Variants in DNAH8 observed in about 807,000 individuals in gnomAD.
DNAH8 encodes the protein axonemal beta dynein heavy chain 8.
Under a neutral mutation model 562.1 loss-of-function variants are expected in DNAH8, and 382 were observed. The ratio of observed to expected loss-of-function variants is 0.68; its 90% confidence interval spans 0.63 to 0.74. The LOEUF (loss-of-function observed/expected upper bound fraction) is 0.74. Ranked by LOEUF, DNAH8 falls within the 30% of genes least tolerant of loss-of-function variation. The pLI is 0.00. For missense variants in DNAH8, 5,203 were observed against 5,620.4 expected (o/e 0.93, Z 2.37); for synonymous variants, 1,881 against 1,919.4 (o/e 0.98, Z 0.52).
chr6:38,965,340 G>T (rs1467985648), intron 82 of DNAH8, among the ~76,000 whole-genome samples: 2 of 152,166 alleles, frequency 1.3e-5, no homozygotes, highest in East Asian at 1.9e-4. Flanking sequence ...CCTCCAAAAT[G>T]ATTTACGATT....
chr6:39,022,412 AT>A (rs1561985315), intron 91 of DNAH8, among the ~76,000 whole-genome samples: 1 of 152,146 alleles, frequency 6.6e-6, no homozygotes, highest in Non-Finnish European at 1.5e-5. Context: ...CTACTCTGAT[AT>A]CAGCCTATAA....
intron 1 of DNAH8, among the ~76,000 whole-genome samples, chr6:38,720,123 G>A (rs1384714895): frequency 1.3e-5 from 2 of 152,050 alleles, no homozygotes; most frequent in East Asian, 1.9e-4. Flanking sequence ...CCAGTCTTAC[G>A]GTTTCTCTAA....
At chr6:38,730,435 C>A (rs920471828) in intron 4 of DNAH8, among the ~76,000 whole-genome samples, 1 of 152,192 alleles carries the variant, frequency 6.6e-6, no homozygotes, top group Non-Finnish European at 1.5e-5. Flanking sequence ...AATTAACATG[C>A]TACCAGCTTG....
intron 17 of DNAH8, among the ~76,000 whole-genome samples, chr6:38,784,741 G>A (rs1768979168): frequency 6.6e-6 from 1 of 152,184 alleles, no homozygotes; most frequent in Admixed American, 6.5e-5. Context: ...TATTAGCCTT[G>A]TTTTACAGAT....
chr6:38,738,692 A>T (rs754702949), intron 7 of DNAH8, among the ~76,000 whole-genome samples: 13 of 152,170 alleles, frequency 8.5e-5, no homozygotes, highest in African/African-American at 1.2e-4. Flanking sequence ...GGAGGTACAG[A>T]AAAGCGTTTC....
intron 32 of DNAH8, among the ~76,000 whole-genome samples, chr6:38,835,015 A>T (rs763153825): frequency 5.8e-4 from 89 of 152,142 alleles, no homozygotes; most frequent in Admixed American, 1.3e-3. Flanking sequence ...TTCCTTTTGC[A>T]TCCATCTCTT....
At chr6:38,966,794 T>A (rs1762997836) in intron 82 of DNAH8, among the ~76,000 whole-genome samples, 1 of 152,192 alleles carries the variant, frequency 6.6e-6, no homozygotes, top group South Asian at 2.1e-4. Flanking sequence ...TACCATAGAC[T>A]GGGTAGCTTA....
intron 85 of DNAH8, among the ~76,000 whole-genome samples, chr6:38,977,448 T>A (rs1763750284): frequency 6.6e-6 from 1 of 152,142 alleles, no homozygotes; most frequent in Non-Finnish European, 1.5e-5. Context: ...GGGAGCCTTT[T>A]ATTCCCAGGA....
chr6:38,796,641 T>C (rs1770277245), intron 21 of DNAH8, among the ~76,000 whole-genome samples: 1 of 152,206 alleles, frequency 6.6e-6, no homozygotes, highest in South Asian at 2.1e-4. Context: ...TGAAAATCCC[T>C]GTCCTGTTCT....
chr6:38,949,440 T>G lies in DNAH8; in HGVS notation c.12130-12T>G. ...TAGTTCTGTGGCTTGCTAATTGGCT[T>G]GCTTCTTTTAGATATCTCGTAATGA... On this transcript the variant is annotated splice_polypyrimidine_tract_variant and intron_variant, in intron 80 of 92. Transcript: ENST00000327475. 1 of 1,546,382 alleles carries G rather than the reference T, an allele frequency of 6.5e-7. No homozygotes were observed. Among genetic ancestry groups the G allele is most frequent in the South Asian group, 1.1e-5 (1 of 89,604 alleles).
intron 75 of DNAH8, 111 bp from the exon 76 acceptor site, chr6:38,931,700 C>T: frequency 1.7e-6 from 1 of 585,382 alleles, no homozygotes; most frequent in African/African-American, 1.9e-5. Context: ...CTTTCCTTCC[C>T]AATTTATTGA....
chr6:38,715,948 A>ATTTTT (rs1282494098), intron 1 of DNAH8, among the ~76,000 whole-genome samples: 5 of 28,206 alleles, frequency 1.8e-4, no homozygotes, highest in African/African-American at 1.0e-3. Context: ...ATATATATAT[A>ATTTTT]TATATATATA....
At chr6:38,861,583 A>C (rs1423709959) in intron 43 of DNAH8, among the ~76,000 whole-genome samples, 1 of 152,084 alleles carries the variant, frequency 6.6e-6, no homozygotes, top group Non-Finnish European at 1.5e-5. Context: ...TTTGAGACAG[A>C]GTCTTGCTCT....
chr6:38,736,089 G>GATC (rs1764062106), intron 5 of DNAH8, among the ~76,000 whole-genome samples: 1 of 151,958 alleles, frequency 6.6e-6, no homozygotes, highest in East Asian at 1.9e-4. Flanking sequence ...AGTGAGCTGA[G>GATC]ATCACGCCAC....
At position 39,026,595 on chromosome 6, in the gene DNAH8, G is replaced by C. The variant is rs181776947; in HGVS notation, c.13764G>C (p.Trp4588Cys). 6.2e-7 allele frequency: 1 copy of C among 1,613,434 alleles called. No homozygotes were observed. Among genetic ancestry groups the C allele is most frequent in the Admixed American group, 1.7e-5 (1 of 60,018 alleles). Residue 4588 changes from tryptophan (W) to cysteine (C), a missense_variant, in exon 92 of 93, where the codon TGG (tryptophan) becomes TGC (cysteine). Trp to Cys is a radical substitution (Grantham distance 215, BLOSUM62 -2). Coordinates refer to ENST00000327475, the MANE Select transcript of DNAH8 (RefSeq NM_001206927.2). ...AAGTGACCCGTGCCCACAAAGGCTG[G>C]GCACTGGACACTGTGACCATCCACA... ...RQEVTRAHKG[W>C]ALDTVTIHNE...
chr6:38,794,836 A>C (rs1583024205), intron 21 of DNAH8, among the ~76,000 whole-genome samples: 1 of 148,656 alleles, frequency 6.7e-6, no homozygotes, highest in East Asian at 2.0e-4. Context: ...GATTGTTTAT[A>C]GCTTTTGGTT....
At chr6:38,948,822 C>T (rs534953954) in intron 80 of DNAH8, among the ~76,000 whole-genome samples, 2 of 152,274 alleles carry the variant, frequency 1.3e-5, no homozygotes, top group South Asian at 4.1e-4. Flanking sequence ...ATATTTAAGA[C>T]CAGCTGTTGG....
Position 38,756,005 on chromosome 6 carries a change from A to C in DNAH8, c.1441A>C (p.Asn481His), listed in dbSNP as rs1434619181. ...GGCACATGGAATACAAAATTTGATT[A>C]ATGCCATCAGAATGATTCACGGTGT... ...SMAHGIQNLI[N>H]AIRMIHGVSR... Residue 481 changes from asparagine (N) to histidine (H), a missense_variant, in exon 10 of 93, where the codon AAT becomes CAT. Around this residue, in one of 6 missense-constraint regions of DNAH8, gnomAD observed 2,176 missense variants for 2,365.1 expected, o/e 0.92. Transcript: ENST00000327475. 1 of 1,610,388 alleles carries C rather than the reference A, an allele frequency of 6.2e-7. No individual in the cohort carries two copies. Among genetic ancestry groups the C allele is most frequent in the East Asian group, 2.2e-5 (1 of 44,786 alleles).
chr6:38,974,598 C>T (rs1763553556), intron 85 of DNAH8, 69 bp downstream of exon 85: 1 of 1,329,736 alleles, frequency 7.5e-7, no homozygotes, highest in Non-Finnish European at 1.0e-6. Flanking sequence ...ATTGGAGAGG[C>T]TTCCAGGAGG....
Sources: allele counts gnomAD v4.1 joint callset (sites outside exome capture counted in the v4.1 genomes callset), GRCh38; gene constraint gnomAD v4.1.1; regional missense constraint gnomAD v4.1.1; transcripts MANE v1.5; gene names NCBI Gene and HGNC (gene_info 2026-07-23, HGNC 2026-07-21).